WDR64: variants seen among roughly 807,000 people sequenced by gnomAD.
WDR64 encodes WD repeat-containing protein 64.
A neutral mutation model predicts 139.3 loss-of-function variants in WDR64; 112 were observed. The observed-to-expected ratio is 0.80, with a 90% CI of 0.69 to 0.94. The LOEUF is 0.94. Among genes scored for constraint, WDR64 ranks in the 40% least tolerant of loss-of-function variants. The pLI is 0.00. For synonymous variants in WDR64, 444 were observed against 437.7 expected (o/e 1.01, Z -0.18); for missense variants, 1,206 against 1,293.1 (o/e 0.93, Z 1.03).
intron 8 of WDR64, among the ~76,000 whole-genome samples, chr1:241,710,435 T>C (rs1209883249): frequency 6.9e-6 from 1 of 145,660 alleles, no homozygotes; most frequent in African/African-American, 2.5e-5. Context: ...CATTCACAGA[T>C]ACTAACACCC....
intron 14 of WDR64, 89 bp from the exon 15 acceptor site, chr1:241,757,192 ATC>A (rs1670224931): frequency 8.6e-7 from 1 of 1,160,984 alleles, no homozygotes; most frequent in South Asian, 1.9e-5. Context: ...TGGTAGATAC[ATC>A]ATTGTAGGTT....
intron 9 of WDR64, among the ~76,000 whole-genome samples, chr1:241,714,281 A>T (rs1668315560): frequency 6.6e-6 from 1 of 152,212 alleles, no homozygotes; most frequent in South Asian, 2.1e-4. Flanking sequence ...AAGGGAAGAA[A>T]CAATAAATAT....
At chr1:241,800,140 GC>G (rs1040869458) in intron 27 of WDR64, among the ~76,000 whole-genome samples, 8 of 152,218 alleles carry the variant, frequency 5.3e-5, no homozygotes, top group African/African-American at 1.9e-4. Context: ...GATCTGTGCA[GC>G]TTGGAAAGTT....
chr1:241,664,162 T>C (rs1665942128), intron 2 of WDR64, among the ~76,000 whole-genome samples: 1 of 152,246 alleles, frequency 6.6e-6, no homozygotes, highest in African/African-American at 2.4e-5. Flanking sequence ...CTATCACACT[T>C]TGTAAACCCT....
intron 15 of WDR64, among the ~76,000 whole-genome samples, chr1:241,760,759 ATTTTTTTTTTTT>A (rs71174847): frequency 1.1e-5 from 1 of 87,058 alleles, no homozygotes; most frequent in Non-Finnish European, 2.1e-5. Flanking sequence ...GTGGGTTTCC[ATTTTTTTTTTTT>A]TTTTTTTTTT....
In WDR64 at chr1:241,652,459, A is replaced by G. The variant is rs1457176412; in HGVS notation, c.-26A>G. ...TAAACTTGCAGTATTCTTTCTGTACAGAAGTAAAAGATCCCCTATGTCCCT... is the reference window on the plus strand; with the variant it reads ...TAAACTTGCAGTATTCTTTCTGTACGGAAGTAAAAGATCCCCTATGTCCCT... On this transcript the variant is annotated 5_prime_UTR_variant, in exon 1 of 28. Coordinates refer to ENST00000437684, the MANE Select transcript of WDR64 (RefSeq NM_001367482.1). The G allele has an allele frequency of 6.5e-7, 1 of 1,546,874 alleles. No individual in the cohort carries two copies. The highest frequency in any genetic ancestry group is 1.4e-5 in the African/African-American group (1 of 72,718).
chr1:241,772,305 T>C (rs1658485285), intron 19 of WDR64, among the ~76,000 whole-genome samples: 1 of 144,642 alleles, frequency 6.9e-6, no homozygotes, highest in Non-Finnish European at 1.5e-5. Context: ...TTTCTGTCCT[T>C]TGCCCTGACT....
intron 8 of WDR64, among the ~76,000 whole-genome samples, chr1:241,695,817 C>T (rs1423318688): frequency 6.6e-6 from 1 of 151,922 alleles, no homozygotes; most frequent in African/African-American, 2.4e-5. Flanking sequence ...AAATAGAAAT[C>T]AAGGCATTAT....
At chr1:241,683,082 G>A (rs1666871768) in intron 6 of WDR64, among the ~76,000 whole-genome samples, 1 of 152,022 alleles carries the variant, frequency 6.6e-6, no homozygotes. Context: ...TTTTTCTTCT[G>A]GTGACTCCTT....
intron 8 of WDR64, among the ~76,000 whole-genome samples, chr1:241,709,453 T>A (rs1388888334): frequency 6.6e-6 from 1 of 152,184 alleles, no homozygotes; most frequent in African/African-American, 2.4e-5. Flanking sequence ...ATAAACTACC[T>A]TAAAGTTAGG....
In WDR64 at chr1:241,802,426, AG is replaced by A. The variant is rs1346509036; in HGVS notation, c.*1215del. 6.6e-6 allele frequency among the ~76,000 whole-genome samples: 1 copy of A among 152,160 alleles called. No individual in the cohort carries two copies. Among genetic ancestry groups the A allele is most frequent in the Non-Finnish European group, 1.5e-5 (1 of 68,000 alleles). ...TCACAGAGAGATTTAGAGATTTAGA[AG>A]GGGTATGAAAGAACTTTCTGGGGTG... On this transcript the variant is annotated 3_prime_UTR_variant, in exon 28 of 28. Coordinates refer to ENST00000437684, the MANE Select transcript of WDR64 (RefSeq NM_001367482.1).
chr1:241,655,068 T>G (rs1247331633), intron 1 of WDR64, among the ~76,000 whole-genome samples: 1 of 152,182 alleles, frequency 6.6e-6, no homozygotes, highest in Non-Finnish European at 1.5e-5. Flanking sequence ...ATCTCTTGGC[T>G]TATTACAACA....
At chr1:241,716,934 A>G (rs76163888) in intron 9 of WDR64, among the ~76,000 whole-genome samples, 174 of 152,274 alleles carry the variant, frequency 1.1e-3, no homozygotes, top group African/African-American at 4.1e-3. Context: ...TCTCTATTGC[A>G]TTCTTCTTCG....
At chr1:241,688,896 CT>C (rs1456842830) in intron 8 of WDR64, among the ~76,000 whole-genome samples, 8 of 152,240 alleles carry the variant, frequency 5.3e-5, no homozygotes, top group Admixed American at 3.3e-4. Flanking sequence ...AAAATTCTCT[CT>C]TACTTCTGGC....
chr1:241,801,160 A>G lies in WDR64; in HGVS notation c.3221A>G (p.Asn1074Ser). The G allele has an allele frequency of 6.2e-7, 1 of 1,613,796 alleles. No individual in the cohort carries two copies. The highest frequency in any genetic ancestry group is 8.5e-7 in the Non-Finnish European group (1 of 1,179,826). ...KAPRRRSLKK[N>S]LVPQINLASS... ...CCACGAAGAAGAAGTTTGAAAAAAA[A>G]TTTAGTCCCACAAATAAATCTGGCT... The change falls in exon 28 of 28, where the codon AAT (asparagine) becomes AGT (serine). Residue 1074 changes from asparagine to serine, a missense_variant. Transcript: ENST00000437684.
intron 14 of WDR64, among the ~76,000 whole-genome samples, chr1:241,755,777 T>C (rs949906790): frequency 5.3e-5 from 8 of 152,252 alleles, no homozygotes; most frequent in African/African-American, 1.4e-4. Flanking sequence ...TTTCTGCATA[T>C]ATGGCTAGCC....
chr1:241,717,039 A>G (rs1174918233), intron 9 of WDR64, among the ~76,000 whole-genome samples: 1 of 152,188 alleles, frequency 6.6e-6, no homozygotes, highest in Non-Finnish European at 1.5e-5. Flanking sequence ...GGGATGTCCC[A>G]CCAACATGAT....
intron 6 of WDR64, 103 bp from the exon 7 acceptor site, chr1:241,683,384 C>T: frequency 1.8e-6 from 2 of 1,104,084 alleles, no homozygotes; most frequent in Non-Finnish European, 2.6e-6. Context: ...GGTGTATCTA[C>T]AATAAGAAAC....
chr1:241,727,917 A>C (rs6679632), intron 10 of WDR64, among the ~76,000 whole-genome samples: 1 of 151,780 alleles, frequency 6.6e-6, no homozygotes, highest in African/African-American at 2.4e-5. Context: ...TAGAAAACAT[A>C]GTGGTGCAGT....
Sources: allele counts gnomAD v4.1 joint callset (sites outside exome capture counted in the v4.1 genomes callset), GRCh38; gene constraint gnomAD v4.1.1; transcripts MANE v1.5; gene names NCBI Gene and HGNC (gene_info 2026-07-23, HGNC 2026-07-21).